Variants in INTS4 observed in about 807,000 individuals in gnomAD.
INTS4 encodes integrator complex subunit 4.
A neutral mutation model predicts 119.5 loss-of-function variants in INTS4; 70 were observed. That is an observed-to-expected ratio of 0.59 (90% CI 0.48 to 0.71). The LOEUF is 0.71. INTS4 is among the 30% of genes least tolerant of loss of function. The pLI is 0.00. For synonymous variants in INTS4, 316 were observed against 419.6 expected (o/e 0.75, Z 3.02); for missense variants, 867 against 1,173.2 (o/e 0.74, Z 3.81).
At chr11:77,986,751 A>G (rs903585718) in intron 2 of INTS4, among the ~76,000 whole-genome samples, 1 of 149,916 alleles carries the variant, frequency 6.7e-6, no homozygotes, top group South Asian at 2.1e-4. Context: ...AAAACCAAAC[A>G]CCGCATGTTC....
rs187259755 is a variant in INTS4, at chr11:77,900,378, T to C, written c.2228+1043A>G. On this transcript the variant is annotated intron_variant, in intron 18 of 22. Transcript: ENST00000534064. The stretch of plus-strand genomic sequence containing the variant: ...CCTCCCAAAGTGCTGGGATTACAGG[T>C]GTGAGCCACCACACCCGGCCACATA... Among the ~76,000 whole-genome samples the C allele has an allele frequency of 8.0e-4, 122 of 152,284 alleles. 1 individual carries two copies. The highest frequency in any genetic ancestry group is 1.2e-3 in the East Asian group (6 of 5,184).
rs1788904603 is a variant in INTS4, at chr11:77,929,693, T to C, written c.1166-1146A>G. Among the ~76,000 whole-genome samples, 6 of 152,166 alleles carry C rather than the reference T, an allele frequency of 3.9e-5. No individual in the cohort carries two copies. In the South Asian group the frequency reaches 1.2e-3, roughly 32 times the overall value. ...AGTTAAGGATACACGCTTGGAATGA[T>C]AGAGGTCTCAGAGCAAACTGTAGTG... On this transcript the variant is annotated intron_variant, in intron 10 of 22. Coordinates refer to ENST00000534064, the MANE Select transcript of INTS4 (RefSeq NM_033547.4).
intron 10 of INTS4, among the ~76,000 whole-genome samples, chr11:77,931,802 T>C (rs1407250374): frequency 6.6e-6 from 1 of 152,208 alleles, no homozygotes; most frequent in Non-Finnish European, 1.5e-5. Flanking sequence ...TACAACCATC[T>C]GATCTTTCAC....
chr11:77,967,449 T>C (rs1191048560), intron 4 of INTS4, among the ~76,000 whole-genome samples: 1 of 152,206 alleles, frequency 6.6e-6, no homozygotes, highest in Non-Finnish European at 1.5e-5. Context: ...GCAATTTCTG[T>C]TGTTTAAGCC....
intron 15 of INTS4, among the ~76,000 whole-genome samples, chr11:77,916,772 G>A (rs1054451564): frequency 3.3e-5 from 5 of 152,228 alleles, no homozygotes; most frequent in African/African-American, 1.2e-4. Flanking sequence ...CACCACTACC[G>A]TGATGGGTCG....
At chr11:77,971,804 G>A (rs1591127379) in intron 4 of INTS4, among the ~76,000 whole-genome samples, 2 of 151,966 alleles carry the variant, frequency 1.3e-5, no homozygotes, top group Admixed American at 6.6e-5. Flanking sequence ...CTTTTAGAAC[G>A]TGTGCTTTTG....
chr11:77,939,910 AG>A (rs1953890301), intron 9 of INTS4, among the ~76,000 whole-genome samples: 1 of 152,180 alleles, frequency 6.6e-6, no homozygotes, highest in Admixed American at 6.5e-5. Flanking sequence ...AAGAGCTGAG[AG>A]ACATATACCA....
chr11:77,876,176 C>T (rs1279630273), downstream of INTS4, among the ~76,000 whole-genome samples: 3 of 152,064 alleles, frequency 2.0e-5, no homozygotes, highest in African/African-American at 7.2e-5. Context: ...GGAAGGAATC[C>T]AACGTGCCAA....
intron 11 of INTS4, among the ~76,000 whole-genome samples, chr11:77,927,451 T>A (rs1315645158): frequency 6.6e-6 from 1 of 152,146 alleles, no homozygotes; most frequent in African/African-American, 2.4e-5. Flanking sequence ...TCACTATCCC[T>A]TTCACATCTG....
intron 11 of INTS4, among the ~76,000 whole-genome samples, chr11:77,927,888 C>A (rs1330864791): frequency 1.3e-5 from 2 of 152,188 alleles, no homozygotes; most frequent in Non-Finnish European, 2.9e-5. Context: ...TCTGTCTTAT[C>A]TCTGCATCTT....
chr11:77,942,630 G>A (rs1336731741), intron 8 of INTS4, among the ~76,000 whole-genome samples: 1 of 152,126 alleles, frequency 6.6e-6, no homozygotes. Context: ...TCAAGTAAGG[G>A]AGAACATAGA....
At chr11:77,900,946 G>A (rs1436296548) in intron 18 of INTS4, among the ~76,000 whole-genome samples, 1 of 152,138 alleles carries the variant, frequency 6.6e-6, no homozygotes, top group East Asian at 1.9e-4. Context: ...AGGGAAACAA[G>A]GTACAGAAAG....
chr11:77,944,914 C>T (rs746151421), intron 8 of INTS4, among the ~76,000 whole-genome samples: 17 of 152,174 alleles, frequency 1.1e-4, no homozygotes, highest in Non-Finnish European at 1.9e-4. Context: ...AGGGGATACT[C>T]AATCTGTATG....
intron 8 of INTS4, among the ~76,000 whole-genome samples, chr11:77,942,446 G>C (rs1953952214): frequency 6.6e-6 from 1 of 152,044 alleles, no homozygotes; most frequent in Non-Finnish European, 1.5e-5. Context: ...CATAGTAAGG[G>C]GTTTGCCTTA....
chr11:77,940,509 T>C (rs1428630911), intron 9 of INTS4, among the ~76,000 whole-genome samples: 1 of 152,180 alleles, frequency 6.6e-6, no homozygotes, highest in East Asian at 1.9e-4. Flanking sequence ...CAGTCTTCCA[T>C]GGTAACTGCT....
intron 10 of INTS4, among the ~76,000 whole-genome samples, chr11:77,935,183 C>T (rs1953757884): frequency 6.6e-6 from 1 of 152,152 alleles, no homozygotes; most frequent in Non-Finnish European, 1.5e-5. Context: ...CTTTATCCTC[C>T]AAGGATGAGA....
In INTS4 at chr11:77,915,554, G is replaced by A. The variant is rs190621321; in HGVS notation, c.1922+3267C>T. Reference sequence around the variant, plus strand: ...AGCCCAAGCCCACGGCACTCCCAGGGGAGCCCAGGACACCCTCAACTTTTT... The same window carrying A: ...AGCCCAAGCCCACGGCACTCCCAGGAGAGCCCAGGACACCCTCAACTTTTT... On this transcript the variant is annotated intron_variant, in intron 15 of 22. Transcript: ENST00000534064. Among the ~76,000 whole-genome samples, 71 of 152,212 alleles carry A rather than the reference G, an allele frequency of 4.7e-4. No individual in the cohort carries two copies. The East Asian group carries it at 0.011, about 23-fold the overall frequency.
At chr11:77,935,590 A>G (rs1953768821) in intron 10 of INTS4, among the ~76,000 whole-genome samples, 1 of 152,004 alleles carries the variant, frequency 6.6e-6, no homozygotes, top group Non-Finnish European at 1.5e-5. Context: ...CTATAAAACC[A>G]CAGTTAACTT....
intron 10 of INTS4, among the ~76,000 whole-genome samples, chr11:77,933,030 CAAACCACCATGGCACGTGT>C (rs1953693540): frequency 6.6e-6 from 1 of 151,768 alleles, no homozygotes; most frequent in South Asian, 2.1e-4. Context: ...ACGGGTGCAG[CAAACCACCATGGCACGTGT>C]ATACCTATGT....
Sources: allele counts gnomAD v4.1 joint callset (sites outside exome capture counted in the v4.1 genomes callset), GRCh38; gene constraint gnomAD v4.1.1; transcripts MANE v1.5; gene names NCBI Gene and HGNC (gene_info 2026-07-23, HGNC 2026-07-21).